Variants in UBAP2 observed in about 807,000 individuals in gnomAD.
UBAP2 encodes the protein ubiquitin associated protein 2.
A neutral mutation model predicts 139.6 loss-of-function variants in UBAP2; 75 were observed. The ratio of observed to expected loss-of-function variants is 0.54; its 90% CI spans 0.45 to 0.65. UBAP2 has a LOEUF of 0.65. UBAP2 is among the 30% of genes least tolerant of loss of function. UBAP2 has a pLI of 0.00. For missense variants in UBAP2, 1,368 were observed against 1,369.6 expected, an observed-to-expected ratio of 1.00 and a Z score of 0.02; for synonymous variants, 526 against 526.2, an observed-to-expected ratio of 1.00 and a Z score of 0.01.
chr9:34,034,659 G>A (rs890103203), intron 1 of UBAP2, among the ~76,000 whole-genome samples: 3 of 152,158 alleles, frequency 2.0e-5, no homozygotes, highest in African/African-American at 7.2e-5. Flanking sequence ...CGGATCAGGA[G>A]GTCAGGAGAT....
At chr9:34,038,002 A>G (rs1005752426) in intron 1 of UBAP2, among the ~76,000 whole-genome samples, 1 of 150,280 alleles carries the variant, frequency 6.7e-6, no homozygotes, top group African/African-American at 2.4e-5. Context: ...CTCTACAAAA[A>G]AAAAAAAAAA....
intron 19 of UBAP2, among the ~76,000 whole-genome samples, chr9:33,931,950 G>A (rs1323730321): frequency 6.6e-6 from 1 of 151,876 alleles, no homozygotes; most frequent in African/African-American, 2.4e-5. Flanking sequence ...TTCATTGCAT[G>A]CCCTCTACAA....
At chr9:34,023,621 T>C (rs895571133) in intron 1 of UBAP2, among the ~76,000 whole-genome samples, 1 of 152,234 alleles carries the variant, frequency 6.6e-6, no homozygotes, top group African/African-American at 2.4e-5. Flanking sequence ...TAAACCAGAA[T>C]AGTTGCTTTG....
At chr9:34,038,988 G>C (rs1826754049) in intron 1 of UBAP2, among the ~76,000 whole-genome samples, 1 of 151,372 alleles carries the variant, frequency 6.6e-6, no homozygotes, top group Non-Finnish European at 1.5e-5. Context: ...TCTGGGAGTT[G>C]AGGAGCGTCT....
chr9:33,923,532 G>C (rs1296444879), intron 24 of UBAP2, 54 bp from the exon 25 acceptor site: 1 of 1,563,706 alleles, frequency 6.4e-7, no homozygotes, highest in East Asian at 2.2e-5. Flanking sequence ...GCTGAGGCTG[G>C]TCAGGTACCC....
chr9:34,043,884 T>C (rs951002640), intron 1 of UBAP2, among the ~76,000 whole-genome samples: 1 of 151,464 alleles, frequency 6.6e-6, no homozygotes, highest in African/African-American at 2.4e-5. Flanking sequence ...TCTCAGCACT[T>C]TGGGAGGCCG....
chr9:34,014,049 G>A (rs569602198), intron 2 of UBAP2, among the ~76,000 whole-genome samples: 1 of 152,142 alleles, frequency 6.6e-6, no homozygotes, highest in East Asian at 1.9e-4. Flanking sequence ...AGGGCCAGGT[G>A]CAGTGGCTCA....
chr9:34,020,150 TAA>T (rs1174976366), intron 1 of UBAP2, among the ~76,000 whole-genome samples: 12 of 127,032 alleles, frequency 9.4e-5, no homozygotes, highest in Admixed American at 2.4e-4. Context: ...ACTCCATTAT[TAA>T]AAAAAAAAAA....
intron 1 of UBAP2, among the ~76,000 whole-genome samples, chr9:34,034,612 C>T (rs1376262268): frequency 1.3e-5 from 2 of 152,196 alleles, no homozygotes; most frequent in African/African-American, 4.8e-5. Flanking sequence ...CAGTGGCTCA[C>T]GCCTGTAATC....
chr9:33,968,417 G>A (rs1827634508), intron 8 of UBAP2: 3 of 563,790 alleles, frequency 5.3e-6, no homozygotes, highest in South Asian at 4.2e-5. Flanking sequence ...CACCACCAGG[G>A]CATACATAGT....
At chr9:33,976,056 A>G (rs960673640) in intron 6 of UBAP2, among the ~76,000 whole-genome samples, 7 of 152,140 alleles carry the variant, frequency 4.6e-5, no homozygotes. Context: ...CCTCTACAAT[A>G]AATTTTTTTA....
chr9:33,993,596 G>A (rs913969062), intron 4 of UBAP2, among the ~76,000 whole-genome samples: 29 of 152,206 alleles, frequency 1.9e-4, no homozygotes, highest in Admixed American at 9.8e-4. Context: ...AGCCCGGGAG[G>A]TCGAGGCTGT....
Position 33,988,992 on chromosome 9 carries a change from G to A in UBAP2, c.423C>T (p.Gly141=), listed in dbSNP as rs140158168. 1.0e-4 allele frequency: 162 copies of A among 1,613,016 alleles called. 1 individual carries two copies. In the Admixed American group the frequency reaches 1.6e-3, roughly 16 times the overall value. The change falls in exon 5 of 29, where the codon GGC becomes GGT. Residue 141 remains glycine (G), a synonymous_variant. Transcript: ENST00000379238. ...ACTTACATTCTCTGCCACGATTGCCGCCTCTTCCTTTCCGGTTGTTGTTTC... is the reference window on the plus strand; with the variant it reads ...ACTTACATTCTCTGCCACGATTGCCACCTCTTCCTTTCCGGTTGTTGTTTC... ...GRGNNNRKGR[G]GNRGREFRGE... is the part of the protein sequence containing the mutation.
chr9:34,007,166 T>C (rs1823292201), intron 2 of UBAP2, among the ~76,000 whole-genome samples: 1 of 152,162 alleles, frequency 6.6e-6, no homozygotes, highest in Non-Finnish European at 1.5e-5. Context: ...CTTTATTTCC[T>C]TCTCTTGCCT....
rs747938452 is a variant in UBAP2 at position 33,996,257 on chromosome 9, G to A, written c.254C>T (p.Ala85Val). The A allele has an allele frequency of 5.0e-6, 8 of 1,613,354 alleles. No individual in the cohort carries two copies. Among genetic ancestry groups the A allele is most frequent in the Non-Finnish European group, 6.8e-6 (8 of 1,179,698 alleles). ...LHDCNGDVNK[A>V]INILLEGNSD... ...ATTCCCTTCCAGCAATATATTGATA[G>A]CTTTGTTCACATCTCCATTACAATC... Residue 85 changes from alanine to valine, a missense_variant, in exon 4 of 29, where the codon GCT becomes GTT. By Grantham distance (64) the Ala-to-Val change is moderately conservative (BLOSUM62 0). Transcript: ENST00000379238.
rs749965526 is a variant in UBAP2, at chr9:33,923,853, G to C, written c.2738C>G (p.Thr913Ser). 4 of 1,614,250 alleles carry C rather than the reference G, an allele frequency of 2.5e-6. No individual in the cohort carries two copies. Among genetic ancestry groups the C allele is most frequent in the Admixed American group, 3.3e-5 (2 of 60,030 alleles). The change falls in exon 24 of 29, where the codon ACT becomes AGT. Residue 913 changes from threonine to serine, a missense_variant. Physicochemically the swap from Thr to Ser is moderately conservative, Grantham distance 58. Coordinates refer to ENST00000379238, the MANE Select transcript of UBAP2 (RefSeq NM_001370062.2). ...CATGCCTGTGTAGTAGGGAAGACCA[G>C]TGTAGCTATAGCCAGGTGGCAGTGC... ...NPALPPGYSY[T>S]GLPYYTGMPS...
chr9:34,018,050 C>A (rs962712703), intron 1 of UBAP2, among the ~76,000 whole-genome samples: 1 of 151,892 alleles, frequency 6.6e-6, no homozygotes, highest in East Asian at 1.9e-4. Flanking sequence ...AAGCTGGGCA[C>A]GGTGGCATGC....
rs1047493890 is a variant in UBAP2, at chr9:33,929,672, C to A, written c.2176-1680G>T. ...GGGCTCCCTAATATAGAAATAGAGA[C>A]CAAAGACCTGACAAAAAAAGGAACC... is the stretch of plus-strand genomic sequence containing the variant. On this transcript the variant is annotated intron_variant, in intron 19 of 28. Coordinates refer to ENST00000379238, the MANE Select transcript of UBAP2 (RefSeq NM_001370062.2). Among the ~76,000 whole-genome samples the A allele has an allele frequency of 3.3e-5, 5 of 152,216 alleles. No individual in the cohort carries two copies. The East Asian group carries it at 9.6e-4, about 29-fold the overall frequency.
At chr9:33,962,669 TAAATAAATAAA>T (rs1564032640) in intron 9 of UBAP2, among the ~76,000 whole-genome samples, 3 of 139,846 alleles carry the variant, frequency 2.1e-5, no homozygotes, top group African/African-American at 7.9e-5. Flanking sequence ...AATAAATAAA[TAAATAAATAAA>T]TAATTAAAAA....
Sources: gnomAD v4.1 joint callset for allele counts (sites outside exome capture counted in the v4.1 genomes callset) on GRCh38, gnomAD v4.1.1 for gene constraint, MANE v1.5 for transcripts, NCBI Gene and HGNC (gene_info 2026-07-23, HGNC 2026-07-21) for gene names.